The following RP1 variants were observed in gnomAD, a reference collection of about 807,000 sequenced individuals.
RP1 encodes RP1 axonemal microtubule associated, also known as oxygen-regulated protein 1.
Under a neutral mutation model 14.8 loss-of-function variants are expected in RP1, and 16 were observed. That is an observed-to-expected ratio of 1.08 (90% confidence interval 0.73 to 1.65). The LOEUF (loss-of-function observed/expected upper bound fraction) is 1.65. RP1 is among the 40% of genes most tolerant of loss of function. RP1 has a pLI of 0.00. For missense variants in RP1, 2,631 were observed against 2,535.0 expected, an observed-to-expected ratio of 1.04 and a Z score of -0.81; for synonymous variants, 876 against 883.6, an observed-to-expected ratio of 0.99 and a Z score of 0.15.
rs1806224582 is a variant in RP1 at position 54,630,501 on chromosome 8, T to A, written c.*148T>A. ...AGAAAGCTTACCCTTGGATAACCAG[T>A]TTGACTTTCATAATGTCTCTGTTTT... is the stretch of plus-strand genomic sequence containing the variant. On this transcript the variant is annotated 3_prime_UTR_variant, in exon 4 of 4. Transcript: ENST00000220676. 15 of 1,460,418 alleles carry A rather than the reference T, an allele frequency of 1.0e-5. No individual in the cohort carries two copies. The South Asian group carries it at 2.1e-4, about 20-fold the overall frequency. The allele number at this position is 1,460,418 out of a possible 1,614,324, so 90.5% of individuals were successfully genotyped here. A position where few individuals can be genotyped will look rare whatever the true frequency, so the allele number is the denominator to read the frequency against.
At position 54,626,873 on chromosome 8, in the gene RP1, T is replaced by C. The variant is rs112667487; in HGVS notation, c.2991T>C (p.Asn997=). The C allele has an allele frequency of 1.4e-3, 2,289 of 1,613,836 alleles. 36 individuals are homozygous for C. The African/African-American group carries it at 0.027, about 19-fold the overall frequency. The change falls in exon 4 of 4, where the codon AAT becomes AAC. Residue 997 remains asparagine (N), a synonymous_variant. Coordinates refer to ENST00000220676, the MANE Select transcript of RP1 (RefSeq NM_006269.2). ...CKEGDKSFIA[N]DTGEEDLHET... Reference sequence around the variant, plus strand: ...AGGGAGATAAGTCTTTTATTGCCAATGACACTGGTGAAGAAGATCTCCATG... The same window carrying C: ...AGGGAGATAAGTCTTTTATTGCCAACGACACTGGTGAAGAAGATCTCCATG...
chr8:54,827,822 G>A (rs952537924), intron 24 of RP1, among the ~76,000 whole-genome samples: 1 of 151,586 alleles, frequency 6.6e-6, no homozygotes, highest in Non-Finnish European at 1.5e-5. Flanking sequence ...TGCTTGAACC[G>A]GGAAGGCGGA....
At chr8:54,603,221 G>T (rs1376638133) in intron 1 of RP1, among the ~76,000 whole-genome samples, 2 of 152,004 alleles carry the variant, frequency 1.3e-5, no homozygotes, top group Non-Finnish European at 2.9e-5. Context: ...TGTATAAGGT[G>T]TAAGGAAGGG....
chr8:54,798,151 C>G (rs997483845), intron 24 of RP1, among the ~76,000 whole-genome samples: 1 of 151,966 alleles, frequency 6.6e-6, no homozygotes, highest in Non-Finnish European at 1.5e-5. Flanking sequence ...GTAGCTGGGA[C>G]TACAGGCACG....
chr8:54,837,404 T>C lies in RP1; in HGVS notation c.3616-46T>C, dbSNP rs959761005. The C allele has an allele frequency of 3.6e-6, 3 of 831,142 alleles. No individual in the cohort carries two copies. In the African/African-American group the frequency reaches 5.3e-5, roughly 15 times the overall value. 51.5% of individuals were successfully genotyped at this position (831,142 alleles called of 1,614,324 possible). On this transcript the variant is annotated intron_variant, in intron 24 of 28. Coordinates refer to the RP1 transcript ENST00000637698. ...CAAAATGGAATATGAATTTGGAAAT[T>C]GGAGATGTAGGGAGTTTTAGTTCCC...
At chr8:54,586,718 C>T (rs1424559894) in intron 1 of RP1, among the ~76,000 whole-genome samples, 1 of 152,214 alleles carries the variant, frequency 6.6e-6, no homozygotes, top group East Asian at 1.9e-4. Flanking sequence ...CCCAGCCTCG[C>T]TGCCACCTTG....
chr8:54,781,261 TATAAG>T (rs923165327), intron 23 of RP1, among the ~76,000 whole-genome samples: 5 of 152,136 alleles, frequency 3.3e-5, no homozygotes, highest in African/African-American at 1.2e-4. Flanking sequence ...ACATTGTAAA[TATAAG>T]ATAAATATTT....
At chr8:54,769,985 T>G (rs1809862782), downstream of RP1, 8 of 520,936 alleles carry the variant, frequency 1.5e-5, no homozygotes, top group Non-Finnish European at 2.0e-5. Flanking sequence ...TTAGAAATGT[T>G]GTGTGCCCTA....
At chr8:54,844,306 G>C (rs1043572787) in intron 25 of RP1, among the ~76,000 whole-genome samples, 2 of 152,084 alleles carry the variant, frequency 1.3e-5, no homozygotes, top group Non-Finnish European at 2.9e-5. Flanking sequence ...TATTTATTCA[G>C]CTCCTCAATT....
rs576546401 is a variant in RP1 at position 54,663,902 on chromosome 8, T to C, written c.1323+52T>C. ...AAAGATTAATCATGGTAAAAACACA[T>C]AAAATAAGATTTACTGTTGTAACTA... On this transcript the variant is annotated intron_variant, in intron 7 of 22. Transcript: ENST00000636932. 6 of 1,424,574 alleles carry C rather than the reference T, an allele frequency of 4.2e-6. No individual in the cohort carries two copies. In the South Asian group the frequency reaches 4.4e-5, roughly 10 times the overall value. The allele number at this position is 1,424,574 out of a possible 1,614,324, so 88.2% of individuals were successfully genotyped here.
intron 1 of RP1, among the ~76,000 whole-genome samples, chr8:54,567,332 G>A (rs1483465020): frequency 6.6e-6 from 1 of 152,056 alleles, no homozygotes; most frequent in Non-Finnish European, 1.5e-5. Context: ...TCAGTATCTA[G>A]GCATCTTTTT....
At chr8:54,754,873 A>G (rs1247752977) in exon 20 of RP1, 1 of 1,528,428 alleles carries the variant, frequency 6.5e-7, no homozygotes, top group South Asian at 1.2e-5. Context: ...TCTCGGATTC[A>G]GGCAGATGGG....
chr8:54,836,090 C>T (rs1811649590), intron 24 of RP1, among the ~76,000 whole-genome samples: 1 of 152,074 alleles, frequency 6.6e-6, no homozygotes, highest in African/African-American at 2.4e-5. Context: ...ACAATTATCA[C>T]CAATATGACA....
At chr8:54,726,684 T>G (rs1239781782) in intron 17 of RP1, among the ~76,000 whole-genome samples, 1 of 152,070 alleles carries the variant, frequency 6.6e-6, no homozygotes, top group Non-Finnish European at 1.5e-5. Context: ...TTCTTTGTCT[T>G]AAATTTAATG....
intron 24 of RP1, among the ~76,000 whole-genome samples, chr8:54,830,298 A>T (rs575987512): frequency 0.029 from 4,170 of 145,728 alleles, 192 homozygotes; most frequent in African/African-American, 0.099. Context: ...TTTTTTTTTT[A>T]TACTTTAAGT....
chr8:54,687,746 C>A (rs1459484906), intron 12 of RP1, among the ~76,000 whole-genome samples: 1 of 152,058 alleles, frequency 6.6e-6, no homozygotes, highest in Non-Finnish European at 1.5e-5. Flanking sequence ...GACTTTGCTA[C>A]TGTGAACAGT....
At chr8:54,680,595 G>A (rs1194714453) in intron 12 of RP1, among the ~76,000 whole-genome samples, 1 of 152,168 alleles carries the variant, frequency 6.6e-6, no homozygotes, top group African/African-American at 2.4e-5. Context: ...CCTACCGCAT[G>A]TCTCAAAATG....
In RP1 at chr8:54,638,393, G is replaced by A. The variant is rs528524658; in HGVS notation, c.788-10592G>A. On this transcript the variant is annotated intron_variant, in intron 3 of 22. Coordinates refer to the RP1 transcript ENST00000636932. ...GTGGAGGTTGCAGTGAGCCGAGATC[G>A]CGCCACTGCACTCCAGCCTGGGCGA... Among the ~76,000 whole-genome samples, 22 of 149,182 alleles carry A rather than the reference G, an allele frequency of 1.5e-4. No individual in the cohort carries two copies. The East Asian group carries it at 2.0e-3, about 13-fold the overall frequency.
chr8:54,630,141 G>A lies in RP1; in HGVS notation c.6259G>A (p.Val2087Ile), dbSNP rs1304948503. ...QGSRTNLNQV[V>I]RENINCHYFF... ...CTCAAGAACAAATCTCAACCAAGTA[G>A]TAAGAGAAAATATCAACTGTCATTA... is the stretch of plus-strand genomic sequence containing the variant. The change falls in exon 4 of 4, where the codon GTA becomes ATA. Residue 2087 changes from valine (V) to isoleucine (I), a missense_variant. By Grantham distance (29) the Val-to-Ile change is conservative. Transcript: ENST00000220676. 1.9e-6 allele frequency: 3 copies of A among 1,613,814 alleles called. No homozygotes were observed. The Admixed American group carries it at 5.0e-5, about 27-fold the overall frequency.
Sources: gnomAD v4.1 joint callset for allele counts (sites outside exome capture counted in the v4.1 genomes callset) on GRCh38, gnomAD v4.1.1 for gene constraint, MANE v1.5 for transcripts, NCBI Gene and HGNC (gene_info 2026-07-23, HGNC 2026-07-21) for gene names.